Variants in PRKCH observed in about 807,000 individuals in gnomAD.
PRKCH encodes the protein protein kinase C eta type.
Under a neutral mutation model 82.5 loss-of-function variants are expected in PRKCH, and 28 were observed. That is an observed-to-expected ratio of 0.34 (90% CI 0.25 to 0.47). The LOEUF is 0.47. PRKCH is among the 20% of genes least tolerant of loss of function. The pLI, the probability that PRKCH is intolerant of heterozygous loss-of-function variation, is 1.00. For synonymous variants in PRKCH, 322 were observed against 327.4 expected, an observed-to-expected ratio of 0.98 and a Z score of 0.18; for missense variants, 705 against 881.8, an observed-to-expected ratio of 0.80 and a Z score of 2.54.
intron 9 of PRKCH, among the ~76,000 whole-genome samples, chr14:61,465,464 C>G (rs1161818342): frequency 1.3e-5 from 2 of 151,984 alleles, no homozygotes; most frequent in Non-Finnish European, 2.9e-5. Context: ...TTTTCAACAC[C>G]ATTTATTGAA....
At position 61,249,522 on chromosome 14, in the gene PRKCH, C is replaced by CAA. The variant is rs374942372; in HGVS notation, c.-19+61869_-19+61870dup. ...TGCAAATTTGTAACGCGAAGCTTTC[C>CAA]AAAAAAAAAAAAAAAAGGGAAGTGT... On this transcript the variant is annotated intron_variant, in intron 1 of 3. Transcript: ENST00000555185. Among the ~76,000 whole-genome samples the CAA allele has an allele frequency of 2.7e-3, 327 of 121,012 alleles. 4 individuals carry two copies. The highest frequency in any genetic ancestry group is 6.5e-3 in the East Asian group (29 of 4,444). 79.4% of individuals were successfully genotyped at this position (121,012 alleles called of 152,430 possible).
chr14:61,438,313 A>T (rs1883778379), intron 2 of PRKCH, among the ~76,000 whole-genome samples: 1 of 152,208 alleles, frequency 6.6e-6, no homozygotes, highest in Admixed American at 6.5e-5. Context: ...TTTTGATATT[A>T]GGCAAATTAA....
At chr14:61,434,335 A>G (rs10139674) in intron 2 of PRKCH, among the ~76,000 whole-genome samples, 5,863 of 152,308 alleles carry the variant, frequency 0.038, 358 homozygotes, top group African/African-American at 0.12. Flanking sequence ...CCCAAATGTG[A>G]TGGAACAGAA....
chr14:61,541,237 G>A (rs1245505053), intron 12 of PRKCH, among the ~76,000 whole-genome samples: 2 of 152,262 alleles, frequency 1.3e-5, no homozygotes, highest in South Asian at 2.1e-4. Context: ...CAGAATCTGC[G>A]TGTGCCAGCA....
rs1170681938 is a variant in PRKCH, at chr14:61,434,094, T to C, written c.428-9017T>C. Reference sequence around the variant, plus strand: ...CATTTACATTACATTTAAAATGTTATCAGGAGGACAGAGGCTCATGAATGA... The same window carrying C: ...CATTTACATTACATTTAAAATGTTACCAGGAGGACAGAGGCTCATGAATGA... On this transcript the variant is annotated intron_variant, in intron 2 of 13. Coordinates refer to ENST00000332981, the MANE Select transcript of PRKCH (RefSeq NM_006255.5). 2.6e-5 allele frequency among the ~76,000 whole-genome samples: 4 copies of C among 152,238 alleles called. 1 individual carries two copies. The highest frequency in any genetic ancestry group is 5.9e-5 in the Non-Finnish European group (4 of 68,044).
intron 1 of PRKCH, among the ~76,000 whole-genome samples, chr14:61,375,874 A>G (rs76549592): frequency 0.01 from 1,573 of 152,066 alleles, 46 homozygotes; most frequent in South Asian, 0.06. Context: ...TGTGGCAAAT[A>G]TTCATTAGCC....
intron 1 of PRKCH, among the ~76,000 whole-genome samples, chr14:61,211,406 A>G (rs2044579501): frequency 6.6e-6 from 1 of 152,192 alleles, no homozygotes. Flanking sequence ...AATCCTTAGA[A>G]AGGCAGTTCC....
Position 61,265,441 on chromosome 14 carries a change from G to A in PRKCH, c.-19+77773G>A, listed in dbSNP as rs771624207. Among the ~76,000 whole-genome samples, 7 of 152,104 alleles carry A rather than the reference G, an allele frequency of 4.6e-5. No homozygotes were observed. In the South Asian group the frequency reaches 1.2e-3, roughly 27 times the overall value. On this transcript the variant is annotated intron_variant, in intron 1 of 3. Coordinates refer to the PRKCH transcript ENST00000555185. Reference sequence around the variant, plus strand: ...AGCTGCAGTGAGCCAAGATCGTGCCGTTGCACTCCAGCCTGCGTGACAGAG... The same window carrying A: ...AGCTGCAGTGAGCCAAGATCGTGCCATTGCACTCCAGCCTGCGTGACAGAG...
chr14:61,469,791 C>G (rs78000006), intron 9 of PRKCH, among the ~76,000 whole-genome samples: 1 of 152,092 alleles, frequency 6.6e-6, no homozygotes, highest in African/African-American at 2.4e-5. Context: ...TTAGCAGACT[C>G]GTCGTGTAGA....
intron 1 of PRKCH, among the ~76,000 whole-genome samples, chr14:61,341,122 G>A (rs997967990): frequency 3.9e-5 from 6 of 152,128 alleles, no homozygotes; most frequent in Admixed American, 3.3e-4. Flanking sequence ...GCCAGAAGTC[G>A]TTTAAAGGCT....
rs1019256486 is a variant in PRKCH at position 61,528,980 on chromosome 14, G to GTGTGTT, written c.1434-90_1434-89insTTGTGT. Reference sequence around the variant, plus strand: ...CGGCCGCATGTGGCCGCACGTGTGTGTGTGTGTGTGTGTGTGTGTGTGTGT... The same window carrying GTGTGTT: ...CGGCCGCATGTGGCCGCACGTGTGTGTGTGTTTGTGTGTGTGTGTGTGTGTGTGTGT... On this transcript the variant is annotated intron_variant, in intron 10 of 13. Transcript: ENST00000332981. 1.8e-5 allele frequency: 20 copies of GTGTGTT among 1,097,078 alleles called. No individual in the cohort carries two copies. In the African/African-American group the frequency reaches 3.0e-4, roughly 16 times the overall value. 68.0% of individuals were successfully genotyped at this position (1,097,078 alleles called of 1,614,324 possible).
intron 2 of PRKCH, among the ~76,000 whole-genome samples, chr14:61,426,516 T>G (rs894245886): frequency 6.6e-6 from 1 of 152,228 alleles, no homozygotes; most frequent in African/African-American, 2.4e-5. Flanking sequence ...TCACAAGTCT[T>G]ACTTCTTAAT....
chr14:61,272,159 C>T (rs541443990), intron 1 of PRKCH, among the ~76,000 whole-genome samples: 162 of 151,144 alleles, frequency 1.1e-3, no homozygotes, highest in Non-Finnish European at 2.1e-3. Context: ...ACCCGGGGGG[C>T]GGAGCTTGCA....
At chr14:61,447,261 A>T (rs1286704598) in intron 4 of PRKCH, among the ~76,000 whole-genome samples, 1 of 152,250 alleles carries the variant, frequency 6.6e-6, no homozygotes, top group Non-Finnish European at 1.5e-5. Context: ...AATTTTTAAC[A>T]TGTATGTATG....
chr14:61,392,785 AT>A (rs1446850944), intron 2 of PRKCH, among the ~76,000 whole-genome samples: 1 of 149,852 alleles, frequency 6.7e-6, no homozygotes, highest in African/African-American at 2.4e-5. Flanking sequence ...CATATGTTTT[AT>A]GTCTTCAGAG....
At chr14:61,468,849 G>A (rs929324106) in intron 9 of PRKCH, among the ~76,000 whole-genome samples, 12 of 152,150 alleles carry the variant, frequency 7.9e-5, no homozygotes, top group African/African-American at 2.9e-4. Context: ...TTGCCCCTGT[G>A]TCTCATGATG....
At chr14:61,448,160 C>T (rs1884316424) in intron 4 of PRKCH, among the ~76,000 whole-genome samples, 1 of 152,172 alleles carries the variant, frequency 6.6e-6, no homozygotes, top group African/African-American at 2.4e-5. Flanking sequence ...ATTTGGTTCT[C>T]CTGAGAATTG....
Position 61,297,969 on chromosome 14 carries a change from T to C in PRKCH, c.-19+110301T>C, listed in dbSNP as rs189180303. 2.6e-5 allele frequency among the ~76,000 whole-genome samples: 4 copies of C among 152,282 alleles called. No individual in the cohort carries two copies. The East Asian group carries it at 7.7e-4, about 29-fold the overall frequency. ...AAGAATAAAATTAATTGGCTTTCAA[T>C]CCCAGGAGCTAGCTTTTTTACTCTC... On this transcript the variant is annotated intron_variant, in intron 1 of 3. Transcript: ENST00000555185.
intron 2 of PRKCH, among the ~76,000 whole-genome samples, chr14:61,411,311 T>C (rs1882259133): frequency 6.6e-6 from 1 of 151,948 alleles, no homozygotes; most frequent in African/African-American, 2.4e-5. Context: ...CATAAAAGAG[T>C]GGACAGGGCA....
Sources: gnomAD v4.1 joint callset for allele counts (sites outside exome capture counted in the v4.1 genomes callset) on GRCh38, gnomAD v4.1.1 for gene constraint, MANE v1.5 for transcripts, NCBI Gene and HGNC (gene_info 2026-07-23, HGNC 2026-07-21) for gene names.